The following MAGI3 variants were observed in gnomAD, a reference collection of about 807,000 sequenced individuals.
The protein encoded by MAGI3 is membrane-associated guanylate kinase, WW and PDZ domain-containing protein 3.
Under a neutral mutation model 121.8 loss-of-function variants are expected in MAGI3, and 43 were observed. The observed-to-expected ratio is 0.35, with a 90% CI of 0.28 to 0.46. MAGI3 has a LOEUF of 0.46. MAGI3 is among the 20% of genes least tolerant of loss of function. The pLI is 1.00. For missense variants in MAGI3, 1,547 were observed against 1,797.3 expected (o/e 0.86, Z 2.52); for synonymous variants, 553 against 639.3 (o/e 0.86, Z 2.04).
chr1:113,588,388 A>C (rs1648509100), intron 4 of MAGI3, among the ~76,000 whole-genome samples: 1 of 152,206 alleles, frequency 6.6e-6, no homozygotes, highest in African/African-American at 2.4e-5. Context: ...AAGGCAATAG[A>C]ATAGAATAGT....
chr1:113,555,056 A>G (rs1659931359), intron 2 of MAGI3, among the ~76,000 whole-genome samples: 1 of 151,814 alleles, frequency 6.6e-6, no homozygotes, highest in South Asian at 2.1e-4. Flanking sequence ...GAATGACTGC[A>G]GTATCCACAG....
intron 1 of MAGI3, among the ~76,000 whole-genome samples, chr1:113,397,136 G>A (rs1203568755): frequency 6.6e-6 from 1 of 152,082 alleles, no homozygotes; most frequent in Non-Finnish European, 1.5e-5. Context: ...GGAACCAATT[G>A]CAGTTTTTTG....
chr1:113,552,281 C>T (rs2101674229), intron 2 of MAGI3, among the ~76,000 whole-genome samples: 1 of 152,274 alleles, frequency 6.6e-6, no homozygotes, highest in African/African-American at 2.4e-5. Flanking sequence ...ACAGGATCAT[C>T]TTAGGAGTTT....
chr1:113,612,184 C>T (rs994658135), intron 6 of MAGI3, among the ~76,000 whole-genome samples: 6 of 152,118 alleles, frequency 3.9e-5, no homozygotes, highest in East Asian at 3.9e-4. Context: ...CCTCATGATC[C>T]GCCCGCCTTG....
At chr1:113,428,661 A>G (rs562470739) in intron 1 of MAGI3, among the ~76,000 whole-genome samples, 1 of 152,366 alleles carries the variant, frequency 6.6e-6, no homozygotes, top group Non-Finnish European at 1.5e-5. Context: ...AAATATTAAC[A>G]TGTAATCAAT....
intron 2 of MAGI3, among the ~76,000 whole-genome samples, chr1:113,550,273 C>T (rs973037555): frequency 6.8e-5 from 10 of 147,006 alleles, no homozygotes; most frequent in African/African-American, 1.3e-4. Context: ...AAAAATTAGC[C>T]GGGTGCGTCG....
intron 16 of MAGI3, among the ~76,000 whole-genome samples, chr1:113,665,614 G>C (rs1654002118): frequency 1.3e-5 from 2 of 151,992 alleles, no homozygotes; most frequent in African/African-American, 2.4e-5. Flanking sequence ...ATATTTTGGG[G>C]GTGGAGAATA....
chr1:113,427,254 C>T (rs1467957681), intron 1 of MAGI3, among the ~76,000 whole-genome samples: 1 of 152,214 alleles, frequency 6.6e-6, no homozygotes, highest in Admixed American at 6.5e-5. Context: ...AAGGGAGTCT[C>T]AGGCCTTTGA....
chr1:113,405,599 G>A (rs1479248615), intron 1 of MAGI3, among the ~76,000 whole-genome samples: 1 of 151,006 alleles, frequency 6.6e-6, no homozygotes, highest in Non-Finnish European at 1.5e-5. Context: ...TATTGTAGTT[G>A]CTTGTACAAT....
intron 1 of MAGI3, among the ~76,000 whole-genome samples, chr1:113,411,959 TG>T (rs902310854): frequency 6.6e-6 from 1 of 152,078 alleles, no homozygotes; most frequent in African/African-American, 2.4e-5. Flanking sequence ...TGTGCCATGT[TG>T]GTTTGTTGCA....
At chr1:113,476,519 A>T (rs1173772862) in intron 1 of MAGI3, among the ~76,000 whole-genome samples, 1 of 152,050 alleles carries the variant, frequency 6.6e-6, no homozygotes, top group Admixed American at 6.6e-5. Context: ...AGTTTCCATG[A>T]AGTTGTGCAG....
intron 2 of MAGI3, among the ~76,000 whole-genome samples, chr1:113,571,918 T>C (rs978389971): frequency 9.9e-5 from 15 of 152,212 alleles, no homozygotes; most frequent in Non-Finnish European, 2.1e-4. Context: ...TGGCCAGAAC[T>C]TCCAATACTA....
intron 1 of MAGI3, among the ~76,000 whole-genome samples, chr1:113,467,889 C>T (rs1655365730): frequency 1.3e-5 from 2 of 152,116 alleles, no homozygotes; most frequent in Non-Finnish European, 2.9e-5. Context: ...TTAATATTTG[C>T]ATATATACTT....
intron 6 of MAGI3, among the ~76,000 whole-genome samples, chr1:113,602,261 G>T (rs1171207847): frequency 2.0e-5 from 3 of 151,902 alleles, no homozygotes; most frequent in Non-Finnish European, 2.9e-5. Flanking sequence ...ATCATATGAG[G>T]TATCTTCTCA....
intron 1 of MAGI3, among the ~76,000 whole-genome samples, chr1:113,548,102 TA>T (rs1439327288): frequency 2.6e-5 from 4 of 152,238 alleles, no homozygotes; most frequent in Non-Finnish European, 5.9e-5. Context: ...TGTGGAATAA[TA>T]GTTAAAAAAA....
intron 1 of MAGI3, among the ~76,000 whole-genome samples, chr1:113,433,877 TCA>T (rs775397615): frequency 6.6e-6 from 1 of 152,198 alleles, no homozygotes; most frequent in African/African-American, 2.4e-5. Flanking sequence ...AGAAATTTAA[TCA>T]CACAGATGTT....
At chr1:113,611,943 A>ATTTTTTTATTTT (rs1553206852) in intron 6 of MAGI3, among the ~76,000 whole-genome samples, 1 of 150,096 alleles carries the variant, frequency 6.7e-6, no homozygotes, top group Admixed American at 6.6e-5. Flanking sequence ...CAACTTATTT[A>ATTTTTTTATTTT]TTTATTTATT....
intron 13 of MAGI3, 66 bp downstream of exon 13, chr1:113,649,394 A>G (rs1423413306): frequency 8.0e-6 from 9 of 1,130,918 alleles, no homozygotes; most frequent in Non-Finnish European, 1.1e-5. Flanking sequence ...GATTTGGTGG[A>G]TTATGGTGTG....
At chr1:113,416,392 TA>T (rs1307417686) in intron 1 of MAGI3, among the ~76,000 whole-genome samples, 3 of 65,984 alleles carry the variant, frequency 4.5e-5, no homozygotes, top group Non-Finnish European at 8.7e-5. Flanking sequence ...TAATATATAT[TA>T]ATTATTAATT....
Sources: allele counts gnomAD v4.1 joint callset (sites outside exome capture counted in the v4.1 genomes callset), GRCh38; gene constraint gnomAD v4.1.1; transcripts MANE v1.5; gene names NCBI Gene and HGNC (gene_info 2026-07-23, HGNC 2026-07-21).